The following PTPRD variants were observed in gnomAD, a reference collection of about 807,000 sequenced individuals.
PTPRD encodes the protein protein tyrosine phosphatase receptor type D, also known as receptor-type tyrosine-protein phosphatase delta.
PTPRD carries 34 observed loss-of-function variants against 214.5 expected under a neutral mutation model. The observed-to-expected ratio is 0.16, with a 90% CI of 0.12 to 0.21. The LOEUF (loss-of-function observed/expected upper bound fraction) is 0.21. Ranked by LOEUF, PTPRD falls within the 10% of genes least tolerant of loss-of-function variation. The pLI, the probability that PTPRD is intolerant of heterozygous loss-of-function variation, is 1.00. For synonymous variants in PTPRD, 1,128 were observed against 845.7 expected (o/e 1.33, Z -5.79); for missense variants, 2,545 against 2,398.7 (o/e 1.06, Z -1.27).
intron 11 of PTPRD, among the ~76,000 whole-genome samples, chr9:8,753,279 CTGGTGATATAA>C (rs1392015268): frequency 6.6e-6 from 1 of 152,160 alleles, no homozygotes; most frequent in Non-Finnish European, 1.5e-5. Context: ...ATGTTCCTTT[CTGGTGATATAA>C]TGGAAGTGAC....
intron 3 of PTPRD, among the ~76,000 whole-genome samples, chr9:10,134,204 G>A (rs897800774): frequency 6.6e-6 from 1 of 152,060 alleles, no homozygotes. Context: ...AAGCAAAGAG[G>A]ACCAGTGGGT....
At chr9:9,949,757 C>A (rs1365454596) in intron 4 of PTPRD, among the ~76,000 whole-genome samples, 2 of 152,220 alleles carry the variant, frequency 1.3e-5, no homozygotes, top group East Asian at 3.9e-4. Flanking sequence ...AGTATGTAGA[C>A]TCAGGTCATG....
chr9:8,793,181 T>A (rs1209761385), intron 11 of PTPRD, among the ~76,000 whole-genome samples: 2 of 152,202 alleles, frequency 1.3e-5, no homozygotes, highest in African/African-American at 2.4e-5. Context: ...CTGCATGCCA[T>A]ACAATGATGG....
chr9:10,127,412 T>C (rs998562938), intron 3 of PTPRD, among the ~76,000 whole-genome samples: 2 of 152,166 alleles, frequency 1.3e-5, no homozygotes, highest in South Asian at 4.2e-4. Flanking sequence ...TTCTTTAGGA[T>C]AGTCACTTAT....
At chr9:8,918,961 G>A (rs1027931723) in intron 11 of PTPRD, among the ~76,000 whole-genome samples, 1 of 152,062 alleles carries the variant, frequency 6.6e-6, no homozygotes, top group Admixed American at 6.6e-5. Flanking sequence ...TACAAAGTTC[G>A]ACTGAAAAAG....
intron 23 of PTPRD, 99 bp from the exon 24 acceptor site, chr9:8,501,158 C>A (rs1027068321): frequency 5.8e-6 from 5 of 857,944 alleles, no homozygotes; most frequent in Middle Eastern, 2.7e-4. Flanking sequence ...AATAAATAAA[C>A]GAACAATAAG....
At chr9:9,291,406 C>T (rs1951088075) in intron 9 of PTPRD, among the ~76,000 whole-genome samples, 1 of 151,392 alleles carries the variant, frequency 6.6e-6, no homozygotes, top group Non-Finnish European at 1.5e-5. Flanking sequence ...AAGATGCCCC[C>T]AACGGAGGTG....
intron 8 of PTPRD, among the ~76,000 whole-genome samples, chr9:9,494,821 T>C (rs1347454797): frequency 6.6e-6 from 1 of 152,118 alleles, no homozygotes; most frequent in Non-Finnish European, 1.5e-5. Flanking sequence ...AACCTTAAAA[T>C]TCATATGGGA....
chr9:10,428,925 G>C (rs1014830357), intron 2 of PTPRD, among the ~76,000 whole-genome samples: 1 of 151,960 alleles, frequency 6.6e-6, no homozygotes, highest in African/African-American at 2.4e-5. Flanking sequence ...AAATTCCTAA[G>C]TCACGAAAGT....
At chr9:10,034,580 T>C in intron 3 of PTPRD, among the ~76,000 whole-genome samples, 1 of 151,940 alleles carries the variant, frequency 6.6e-6, no homozygotes, top group East Asian at 1.9e-4. Flanking sequence ...CCTCTCAACC[T>C]CCACCCTCCA....
intron 8 of PTPRD, among the ~76,000 whole-genome samples, chr9:9,468,912 G>A (rs1309057751): frequency 6.6e-6 from 1 of 152,092 alleles, no homozygotes; most frequent in African/African-American, 2.4e-5. Context: ...ATTCTCATGT[G>A]TATGTAGAGT....
rs1397219644 is a variant in PTPRD, at chr9:9,460,857, A to G, written c.-236-63375T>C. 3.9e-5 allele frequency among the ~76,000 whole-genome samples: 6 copies of G among 152,246 alleles called. No homozygotes were observed. In the South Asian group the frequency reaches 8.3e-4, roughly 21 times the overall value. ...AAAGGAAAATAAATGATTTTATCAA[A>G]ATGATACCTGCACTCTTACGTTTAT... is the stretch of plus-strand genomic sequence containing the variant. On this transcript the variant is annotated intron_variant, in intron 8 of 45. Transcript: ENST00000381196.
intron 11 of PTPRD, among the ~76,000 whole-genome samples, chr9:8,933,099 T>G (rs1178278229): frequency 6.6e-6 from 1 of 152,042 alleles, no homozygotes; most frequent in Admixed American, 6.6e-5. Context: ...CAGTCCTTCA[T>G]GGCTCCCCTT....
intron 14 of PTPRD, among the ~76,000 whole-genome samples, chr9:8,566,102 G>GTGTA (rs945285566): frequency 2.6e-4 from 26 of 99,920 alleles, no homozygotes; most frequent in African/African-American, 7.5e-4. Context: ...TGCAAAATAT[G>GTGTA]TGTGTGTGTG....
At chr9:9,139,754 C>T (rs10977524) in intron 10 of PTPRD, among the ~76,000 whole-genome samples, 24,298 of 152,010 alleles carry the variant, frequency 0.16, 1,974 homozygotes, top group South Asian at 0.27. Context: ...CCATGGTTGA[C>T]CACAGGTAAT....
chr9:9,672,565 T>G (rs555973373), intron 7 of PTPRD, among the ~76,000 whole-genome samples: 7 of 152,240 alleles, frequency 4.6e-5, no homozygotes, highest in Non-Finnish European at 8.8e-5. Flanking sequence ...CCCAACCAAT[T>G]TAACCTTAAA....
chr9:9,462,415 G>A (rs941518037), intron 8 of PTPRD, among the ~76,000 whole-genome samples: 1 of 152,026 alleles, frequency 6.6e-6, no homozygotes, highest in East Asian at 1.9e-4. Flanking sequence ...TTGCAGAAAG[G>A]CAATAAATGA....
chr9:10,476,509 A>T (rs555662081), intron 2 of PTPRD, among the ~76,000 whole-genome samples: 1 of 152,216 alleles, frequency 6.6e-6, no homozygotes, highest in Non-Finnish European at 1.5e-5. Context: ...AATGGAAAAA[A>T]CATTCCATAC....
chr9:8,990,210 T>A (rs963173090), intron 11 of PTPRD, among the ~76,000 whole-genome samples: 2 of 152,144 alleles, frequency 1.3e-5, no homozygotes, highest in Non-Finnish European at 2.9e-5. Flanking sequence ...CCTCTGGACT[T>A]AAAGATCTAC....
Sources: allele counts gnomAD v4.1 joint callset (sites outside exome capture counted in the v4.1 genomes callset), GRCh38; gene constraint gnomAD v4.1.1; transcripts MANE v1.5; gene names NCBI Gene and HGNC (gene_info 2026-07-23, HGNC 2026-07-21).